RPTOR: variants seen among roughly 807,000 people sequenced by gnomAD.
RPTOR encodes the protein regulatory-associated protein of mTOR.
RPTOR carries 21 observed loss-of-function variants against 169.9 expected under a neutral mutation model. That is an observed-to-expected ratio of 0.12 (90% CI 0.09 to 0.18). The LOEUF is 0.18. Among genes scored for constraint, RPTOR ranks in the 10% least tolerant of loss-of-function variants. RPTOR has a pLI of 1.00. For synonymous variants in RPTOR, 732 were observed against 753.2 expected, an observed-to-expected ratio of 0.97 and a Z score of 0.46; for missense variants, 1,133 against 1,855.9, an observed-to-expected ratio of 0.61 and a Z score of 7.16.
chr17:80,957,498 A>C lies in RPTOR; in HGVS notation c.3371-126A>C. Reference sequence around the variant, plus strand: ...CTCATATGAGGCATATGGACCCACCAGATGGGCTCGATGGTGGCAGGGGTA... The same window carrying C: ...CTCATATGAGGCATATGGACCCACCCGATGGGCTCGATGGTGGCAGGGGTA... On this transcript the variant is annotated intron_variant, in intron 28 of 33. Transcript: ENST00000306801. This position sits in a 1 kb window ranked among gnomAD's most constrained non-coding sequence, Gnocchi z 4.6. 2 of 832,358 alleles carry C rather than the reference A, an allele frequency of 2.4e-6. No individual in the cohort carries two copies. Among genetic ancestry groups the C allele is most frequent in the Non-Finnish European group, 4.1e-6 (2 of 486,664 alleles). The allele number at this position is 832,358 out of a possible 1,614,324, so 51.6% of individuals were successfully genotyped here.
chr17:80,963,426 C>G (rs375940070), intron 33 of RPTOR, among the ~76,000 whole-genome samples: 12,914 of 61,924 alleles, frequency 0.21, 653 homozygotes, highest in Middle Eastern at 0.29. Context: ...CCCGTCCCCT[C>G]TGCGGCCCTC....
intron 6 of RPTOR, among the ~76,000 whole-genome samples, chr17:80,760,423 TC>T (rs2066724854): frequency 6.9e-6 from 1 of 145,644 alleles, no homozygotes; most frequent in Admixed American, 7.1e-5. Context: ...TGCCTCAGCC[TC>T]CCGAGTAGCT....
At chr17:80,831,036 G>A (rs183519549) in intron 9 of RPTOR, among the ~76,000 whole-genome samples, 220 of 152,204 alleles carry the variant, frequency 1.4e-3, no homozygotes, top group African/African-American at 4.8e-3. Context: ...GTGTGCCACC[G>A]CGCCCAATAG....
At chr17:80,753,185 C>T (rs1483596093) in intron 5 of RPTOR, among the ~76,000 whole-genome samples, 1 of 152,192 alleles carries the variant, frequency 6.6e-6, no homozygotes, top group Non-Finnish European at 1.5e-5. Context: ...CTCGCTCTGT[C>T]TGTTTTTCAG....
intron 6 of RPTOR, among the ~76,000 whole-genome samples, chr17:80,760,826 G>A (rs766106508): frequency 4.0e-5 from 6 of 148,466 alleles, no homozygotes; most frequent in East Asian, 2.0e-4. Context: ...TTCTAAGCAC[G>A]CTGCCCTCAT....
In RPTOR at chr17:80,685,142, G is replaced by A. The variant is rs150359273; in HGVS notation, c.349-22699G>A. Among the ~76,000 whole-genome samples the A allele has an allele frequency of 1.2e-4, 18 of 152,090 alleles. No individual in the cohort carries two copies. In the East Asian group the frequency reaches 2.9e-3, roughly 25 times the overall value. Reference sequence around the variant, plus strand: ...GGCAACATAGGAGAGCGCCTCATTCGGAGTCGCCCCTCATTCAGGGTCGCA... The same window carrying A: ...GGCAACATAGGAGAGCGCCTCATTCAGAGTCGCCCCTCATTCAGGGTCGCA... On this transcript the variant is annotated intron_variant, in intron 3 of 33. Transcript: ENST00000306801.
intron 1 of RPTOR, among the ~76,000 whole-genome samples, chr17:80,622,817 C>T (rs1481125754): frequency 1.3e-5 from 2 of 152,042 alleles, no homozygotes; most frequent in Admixed American, 6.5e-5. Context: ...GTGGGAGGAT[C>T]GCTTGAGCCC....
At chr17:80,817,224 A>C (rs1428620943) in intron 7 of RPTOR, among the ~76,000 whole-genome samples, 1 of 152,178 alleles carries the variant, frequency 6.6e-6, no homozygotes, top group Non-Finnish European at 1.5e-5. Flanking sequence ...GTCCACAGTC[A>C]CAGAGCCAGT....
At chr17:80,795,947 A>G (rs1271463694) in intron 7 of RPTOR, among the ~76,000 whole-genome samples, 3 of 152,210 alleles carry the variant, frequency 2.0e-5, no homozygotes, top group Admixed American at 2.0e-4. Context: ...ACATTCCTGT[A>G]GTTCTGTAAG....
chr17:80,615,581 A>C (rs2065303396), intron 1 of RPTOR, among the ~76,000 whole-genome samples: 1 of 152,178 alleles, frequency 6.6e-6, no homozygotes, highest in Non-Finnish European at 1.5e-5. Context: ...TCAGCTGTGC[A>C]AGACCTTTGA....
intron 20 of RPTOR, among the ~76,000 whole-genome samples, chr17:80,907,642 C>A (rs535720846): frequency 7.0e-6 from 1 of 143,674 alleles, no homozygotes; most frequent in Non-Finnish European, 1.6e-5. Flanking sequence ...TGCCTGCCCC[C>A]CCTTCTGGTT....
intron 6 of RPTOR, among the ~76,000 whole-genome samples, chr17:80,760,592 G>A (rs1042758055): frequency 2.6e-5 from 4 of 152,104 alleles, no homozygotes; most frequent in African/African-American, 9.7e-5. Flanking sequence ...ACGAGCCACC[G>A]CACCCAGCCT....
intron 5 of RPTOR, among the ~76,000 whole-genome samples, chr17:80,734,065 A>T (rs1402673440): frequency 6.6e-6 from 1 of 152,260 alleles, no homozygotes; most frequent in East Asian, 1.9e-4. Context: ...GAAGACAAGC[A>T]TTAAACCTTG....
Position 80,960,515 on chromosome 17 carries a change from C to T in RPTOR, c.3605+310C>T, listed in dbSNP as rs1045517285. 1.3e-4 allele frequency among the ~76,000 whole-genome samples: 20 copies of T among 152,306 alleles called. No homozygotes were observed. Among genetic ancestry groups the T allele is most frequent in the African/African-American group, 4.1e-4 (17 of 41,580 alleles). ...AGAGGCTGTCGGGGTGAGGCAGGGC[C>T]GCAGCCAGGCACCTGCCACCTCTGA... is the stretch of plus-strand genomic sequence containing the variant. On this transcript the variant is annotated intron_variant, in intron 30 of 33. Transcript: ENST00000306801. This position sits in a 1 kb window ranked among gnomAD's most constrained non-coding sequence, Gnocchi z 4.8.
chr17:80,888,858 G>A (rs142570532), intron 17 of RPTOR, among the ~76,000 whole-genome samples: 37 of 152,352 alleles, frequency 2.4e-4, no homozygotes, highest in African/African-American at 7.9e-4. Context: ...GTGGTGGGCC[G>A]GGGTGGCAGC....
chr17:80,911,144 A>G (rs755586848), intron 21 of RPTOR, among the ~76,000 whole-genome samples: 1 of 152,128 alleles, frequency 6.6e-6, no homozygotes, highest in Non-Finnish European at 1.5e-5. Context: ...TCTTTATGGT[A>G]TCACCGGTAT....
At chr17:80,598,882 T>TTCTTTCTA (rs752610583) in intron 1 of RPTOR, among the ~76,000 whole-genome samples, 292 of 146,870 alleles carry the variant, frequency 2.0e-3, no homozygotes, top group Admixed American at 3.1e-3. Flanking sequence ...TCTTGATTCT[T>TTCTTTCTA]TCTATCTATC....
chr17:80,689,017 A>T (rs2065969777), intron 3 of RPTOR, among the ~76,000 whole-genome samples: 1 of 152,252 alleles, frequency 6.6e-6, no homozygotes, highest in Non-Finnish European at 1.5e-5. Context: ...AAATTGCAAG[A>T]TAAAACTGAA....
At chr17:80,649,388 C>T (rs571781453) in intron 3 of RPTOR, among the ~76,000 whole-genome samples, 1 of 152,284 alleles carries the variant, frequency 6.6e-6, no homozygotes, top group East Asian at 1.9e-4. Context: ...TTCCATCATC[C>T]ATCCCGTCTT....
Sources: allele counts gnomAD v4.1 joint callset (sites outside exome capture counted in the v4.1 genomes callset), GRCh38; gene constraint gnomAD v4.1.1; non-coding constraint Gnocchi (gnomAD v3.1); transcripts MANE v1.5; gene names NCBI Gene and HGNC (gene_info 2026-07-23, HGNC 2026-07-21).